XKR6: variants seen among roughly 807,000 people sequenced by gnomAD.
XKR6 encodes XK-related protein 6.
XKR6 carries 22 observed loss-of-function variants against 56.7 expected under a neutral mutation model. That is an observed-to-expected ratio of 0.39 (90% CI 0.28 to 0.55). The LOEUF (loss-of-function observed/expected upper bound fraction) is 0.55. Among genes scored for constraint, XKR6 ranks in the 20% least tolerant of loss-of-function variants. The pLI is 0.66. For missense variants in XKR6, 852 were observed against 889.0 expected (o/e 0.96, Z 0.53); for synonymous variants, 524 against 387.8 (o/e 1.35, Z -4.13).
chr8:11,133,128 G>A (rs1029732945), intron 1 of XKR6, among the ~76,000 whole-genome samples: 14 of 152,152 alleles, frequency 9.2e-5, no homozygotes, highest in South Asian at 2.1e-4. Context: ...GCATACAAGG[G>A]AGAGGGTGTG....
intron 1 of XKR6, among the ~76,000 whole-genome samples, chr8:11,040,300 T>A (rs1284908252): frequency 6.7e-6 from 1 of 150,294 alleles, no homozygotes; most frequent in African/African-American, 2.5e-5. Context: ...AGCAGGAGGA[T>A]TGCTTGAGCC....
At chr8:10,968,581 T>C (rs1014614753) in intron 1 of XKR6, among the ~76,000 whole-genome samples, 3 of 152,200 alleles carry the variant, frequency 2.0e-5, no homozygotes, top group African/African-American at 7.2e-5. Flanking sequence ...CTCCAGGGGA[T>C]GACACCAGTC....
chr8:11,124,283 G>A (rs374986220), intron 1 of XKR6: 1 of 342,076 alleles, frequency 2.9e-6, no homozygotes, highest in Non-Finnish European at 5.7e-6. Flanking sequence ...CACAAACCAG[G>A]ATGTGGCTAA....
chr8:11,072,089 C>T (rs1260008064), intron 1 of XKR6, among the ~76,000 whole-genome samples: 2 of 152,192 alleles, frequency 1.3e-5, no homozygotes, highest in Admixed American at 6.5e-5. Flanking sequence ...CTGTGGTGAC[C>T]GCATCTCTAG....
chr8:10,999,925 G>T (rs1443652911), intron 1 of XKR6, among the ~76,000 whole-genome samples: 1 of 152,152 alleles, frequency 6.6e-6, no homozygotes, highest in Non-Finnish European at 1.5e-5. Context: ...ACTAACAAAG[G>T]ATTAAGAGAA....
At chr8:11,132,382 G>A (rs774994524) in intron 1 of XKR6, among the ~76,000 whole-genome samples, 4 of 151,128 alleles carry the variant, frequency 2.6e-5, no homozygotes, top group East Asian at 1.9e-4. Context: ...TCCCCCAGAC[G>A]GAATCTTGCT....
intron 1 of XKR6, among the ~76,000 whole-genome samples, chr8:10,974,469 G>A (rs1802495634): frequency 6.6e-6 from 1 of 152,144 alleles, no homozygotes; most frequent in East Asian, 1.9e-4. Flanking sequence ...CCATCTCCCT[G>A]ACCAATCCTA....
At chr8:10,951,017 GCA>G (rs1801701779) in intron 1 of XKR6, among the ~76,000 whole-genome samples, 1 of 152,204 alleles carries the variant, frequency 6.6e-6, no homozygotes, top group Non-Finnish European at 1.5e-5. Flanking sequence ...CAGAACCTCA[GCA>G]GCATGCCCTG....
chr8:11,185,618 A>G (rs941949429), intron 1 of XKR6, among the ~76,000 whole-genome samples: 5 of 152,208 alleles, frequency 3.3e-5, no homozygotes, highest in African/African-American at 1.2e-4. Flanking sequence ...GGCACCCAAT[A>G]AAGTCTCCAA....
chr8:10,904,075 G>A (rs6985109), intron 2 of XKR6, among the ~76,000 whole-genome samples: 80,151 of 151,982 alleles, frequency 0.53, 22,867 homozygotes, highest in African/African-American at 0.69. Context: ...GTTCCCTTCC[G>A]CTTCCAGCTC....
intron 1 of XKR6, among the ~76,000 whole-genome samples, chr8:11,165,226 T>C (rs779202959): frequency 2.2e-4 from 33 of 148,128 alleles, no homozygotes; most frequent in Non-Finnish European, 4.6e-4. Context: ...CAGCCTCCCA[T>C]GTAGCTGGAA....
chr8:11,137,042 G>A (rs537884982), intron 1 of XKR6: 1 of 152,842 alleles, frequency 6.5e-6, no homozygotes, highest in African/African-American at 2.4e-5. Flanking sequence ...ACACTATGTT[G>A]CTTACAGTAG....
intron 1 of XKR6, among the ~76,000 whole-genome samples, chr8:11,142,524 C>T (rs1800759206): frequency 6.6e-6 from 1 of 152,206 alleles, no homozygotes; most frequent in African/African-American, 2.4e-5. Flanking sequence ...AATGGCTTAA[C>T]ACCATCTCCT....
At chr8:10,910,616 G>A (rs1012161573) in intron 2 of XKR6, among the ~76,000 whole-genome samples, 4 of 152,196 alleles carry the variant, frequency 2.6e-5, no homozygotes, top group African/African-American at 7.2e-5. Flanking sequence ...AGCTGGCTGG[G>A]GGCTGGCGGC....
At chr8:11,035,177 C>T (rs776936550) in intron 1 of XKR6, 2 of 534,684 alleles carry the variant, frequency 3.7e-6, no homozygotes, top group Admixed American at 3.9e-5. Context: ...GTGCCCAGCC[C>T]AGCGTGGGTG....
chr8:11,100,879 G>GC (rs1798447750), intron 1 of XKR6, among the ~76,000 whole-genome samples: 1 of 152,196 alleles, frequency 6.6e-6, no homozygotes, highest in Non-Finnish European at 1.5e-5. Flanking sequence ...AAAGGTGGCC[G>GC]CAAATGTGAT....
intron 1 of XKR6, among the ~76,000 whole-genome samples, chr8:11,136,433 G>C (rs535535537): frequency 1.6e-4 from 24 of 152,210 alleles, no homozygotes; most frequent in Non-Finnish European, 2.9e-4. Context: ...GAACCCGGGG[G>C]GCGGAGGTTG....
intron 1 of XKR6, among the ~76,000 whole-genome samples, chr8:10,949,634 C>T (rs1429008823): frequency 6.6e-6 from 1 of 152,234 alleles, no homozygotes; most frequent in Non-Finnish European, 1.5e-5. Flanking sequence ...TGACTGAAGG[C>T]AGTATGTCTA....
chr8:10,968,370 G>A (rs921873546), intron 1 of XKR6, among the ~76,000 whole-genome samples: 1 of 152,246 alleles, frequency 6.6e-6, no homozygotes, highest in East Asian at 1.9e-4. Context: ...TCAGTAGAAT[G>A]TGTGTCTCTT....
Sources: gnomAD v4.1 joint callset for allele counts (sites outside exome capture counted in the v4.1 genomes callset) on GRCh38, gnomAD v4.1.1 for gene constraint, MANE v1.5 for transcripts, NCBI Gene and HGNC (gene_info 2026-07-23, HGNC 2026-07-21) for gene names.